The following PCDH15 variants were observed in gnomAD, a reference collection of about 807,000 sequenced individuals.
The protein encoded by PCDH15 is protocadherin related 15, also known as protocadherin-15.
Under a neutral mutation model 178.5 loss-of-function variants are expected in PCDH15, and 129 were observed. The ratio of observed to expected loss-of-function variants is 0.72; its 90% CI spans 0.63 to 0.84. PCDH15 has a LOEUF of 0.84. Ranked by LOEUF, PCDH15 falls within the 40% of genes least tolerant of loss-of-function variation. The pLI, the probability that PCDH15 is intolerant of heterozygous loss-of-function variation, is 0.00. For missense variants in PCDH15, 2,230 were observed against 2,099.9 expected (o/e 1.06, Z -1.21); for synonymous variants, 800 against 732.0 (o/e 1.09, Z -1.50).
chr10:54,345,133 G>A (rs566387828), intron 6 of PCDH15, among the ~76,000 whole-genome samples: 3 of 151,756 alleles, frequency 2.0e-5, no homozygotes, highest in East Asian at 1.9e-4. Context: ...CTTCACTTAC[G>A]AGTTTTCTTT....
chr10:55,301,315 G>A (rs757127619), intron 1 of PCDH15, among the ~76,000 whole-genome samples: 26 of 152,048 alleles, frequency 1.7e-4, no homozygotes, highest in Non-Finnish European at 1.0e-4. Flanking sequence ...GGTGTGAAGC[G>A]ATGCCTCCTT....
intron 8 of PCDH15, among the ~76,000 whole-genome samples, chr10:54,310,393 A>C (rs1591728901): frequency 6.6e-6 from 1 of 152,140 alleles, no homozygotes; most frequent in Non-Finnish European, 1.5e-5. Context: ...CTGACAGTGT[A>C]AATAGACAGG....
intron 2 of PCDH15, among the ~76,000 whole-genome samples, chr10:55,400,582 T>C (rs912058564): frequency 1.3e-5 from 2 of 152,114 alleles, no homozygotes; most frequent in South Asian, 2.1e-4. Context: ...CGTGCTCCCA[T>C]GGTTATTCCT....
At chr10:55,237,739 T>C (rs879826773) in intron 1 of PCDH15, among the ~76,000 whole-genome samples, 2 of 152,154 alleles carry the variant, frequency 1.3e-5, no homozygotes, top group Admixed American at 6.5e-5. Flanking sequence ...CTCTGAAATG[T>C]TATTTTGTTT....
intron 8 of PCDH15, among the ~76,000 whole-genome samples, chr10:54,285,420 T>G (rs2058971874): frequency 6.6e-6 from 1 of 152,014 alleles, no homozygotes; most frequent in Admixed American, 6.6e-5. Flanking sequence ...CAAAAAAATC[T>G]GAATAGATAT....
At chr10:54,121,983 T>C (rs2095226773) in intron 15 of PCDH15, among the ~76,000 whole-genome samples, 1 of 131,782 alleles carries the variant, frequency 7.6e-6, no homozygotes, top group Admixed American at 7.6e-5. Context: ...ACCTAATATC[T>C]AAACCGGGCA....
At chr10:54,295,099 C>T (rs1277461174) in intron 8 of PCDH15, among the ~76,000 whole-genome samples, 1 of 152,088 alleles carries the variant, frequency 6.6e-6, no homozygotes, top group African/African-American at 2.4e-5. Flanking sequence ...ACATTCCAGT[C>T]ATATTGAATT....
At chr10:54,474,113 A>T (rs1464656926) in intron 3 of PCDH15, among the ~76,000 whole-genome samples, 2 of 151,958 alleles carry the variant, frequency 1.3e-5, no homozygotes, top group Non-Finnish European at 2.9e-5. Flanking sequence ...TTGCAAAAAA[A>T]TTTGCAATAA....
chr10:54,140,012 T>G (rs970899443), intron 14 of PCDH15, among the ~76,000 whole-genome samples: 1 of 152,164 alleles, frequency 6.6e-6, no homozygotes, highest in Non-Finnish European at 1.5e-5. Flanking sequence ...TTCCTGTTTC[T>G]CTGTGTGTCT....
Position 54,020,344 on chromosome 10 carries a change from G to T in PCDH15, c.2599C>A (p.Leu867Ile), listed in dbSNP as rs774252309. The T allele has an allele frequency of 6.2e-7, 1 of 1,613,798 alleles. No homozygotes were observed. Among genetic ancestry groups the T allele is most frequent in the Non-Finnish European group, 8.5e-7 (1 of 1,179,804 alleles). Residue 867 changes from leucine (L) to isoleucine (I), a missense_variant, in exon 20 of 38, where the codon CTA becomes ATA. Transcript: ENST00000644397. ...RSPEVKHFFALHPFTGELSLL... is the reference protein window; with the variant it reads ...RSPEVKHFFAIHPFTGELSLL... The stretch of plus-strand genomic sequence containing the variant: ...GATAGTTCTCCTGTAAATGGATGTA[G>T]TGCAAAAAAGTGCTTCACTTCTGGG...
chr10:54,928,631 T>C (rs538572032), intron 2 of PCDH15, among the ~76,000 whole-genome samples: 19 of 152,296 alleles, frequency 1.2e-4, no homozygotes, highest in African/African-American at 4.3e-4. Flanking sequence ...GTTTCGTTCA[T>C]TCCTTTTCAT....
At chr10:55,574,904 T>G (rs1371978579) in intron 2 of PCDH15, among the ~76,000 whole-genome samples, 1 of 152,094 alleles carries the variant, frequency 6.6e-6, no homozygotes, top group African/African-American at 2.4e-5. Flanking sequence ...AATAGACTTT[T>G]AGTAACATCT....
intron 1 of PCDH15, among the ~76,000 whole-genome samples, chr10:54,788,568 G>C (rs1051727461): frequency 6.6e-6 from 1 of 151,950 alleles, no homozygotes; most frequent in African/African-American, 2.4e-5. Context: ...TAACGTGTGA[G>C]ATATACATAG....
At chr10:55,509,373 G>A (rs531337556) in intron 2 of PCDH15, among the ~76,000 whole-genome samples, 3 of 151,534 alleles carry the variant, frequency 2.0e-5, no homozygotes, top group Non-Finnish European at 1.5e-5. Flanking sequence ...AAACGAAATC[G>A]AAACCAAGCA....
chr10:54,405,566 G>A (rs1033006912), intron 3 of PCDH15, among the ~76,000 whole-genome samples: 2 of 151,408 alleles, frequency 1.3e-5, no homozygotes, highest in African/African-American at 4.9e-5. Context: ...TGAGGATCAG[G>A]AAGAATAACT....
chr10:54,777,209 C>A (rs186837120), intron 1 of PCDH15, among the ~76,000 whole-genome samples: 1 of 152,256 alleles, frequency 6.6e-6, no homozygotes, highest in Admixed American at 6.5e-5. Context: ...TTAAGACAAT[C>A]GTTGCGCACA....
chr10:55,274,838 C>G (rs1842545101), intron 1 of PCDH15, among the ~76,000 whole-genome samples: 1 of 152,008 alleles, frequency 6.6e-6, no homozygotes, highest in Non-Finnish European at 1.5e-5. Context: ...AGATCCCTTG[C>G]ATGTGCAGTT....
intron 1 of PCDH15, among the ~76,000 whole-genome samples, chr10:55,281,788 G>C (rs1842740233): frequency 6.6e-6 from 1 of 152,036 alleles, no homozygotes; most frequent in Non-Finnish European, 1.5e-5. Context: ...TCCTATTCCA[G>C]AATTTTCTCT....
intron 17 of PCDH15, among the ~76,000 whole-genome samples, chr10:54,074,752 A>T (rs1203540976): frequency 6.6e-6 from 1 of 152,080 alleles, no homozygotes; most frequent in East Asian, 1.9e-4. Flanking sequence ...TCTATTTTTA[A>T]TTTTTTGAGA....
Sources: allele counts gnomAD v4.1 joint callset (sites outside exome capture counted in the v4.1 genomes callset), GRCh38; gene constraint gnomAD v4.1.1; transcripts MANE v1.5; gene names NCBI Gene and HGNC (gene_info 2026-07-23, HGNC 2026-07-21).